The following ITGA8 variants were observed in gnomAD, a reference collection of about 807,000 sequenced individuals.
ITGA8 encodes integrin subunit alpha 8.
ITGA8 carries 91 observed loss-of-function variants against 142.3 expected under a neutral mutation model. The ratio of observed to expected loss-of-function variants is 0.64; its 90% CI spans 0.54 to 0.76. The LOEUF (loss-of-function observed/expected upper bound fraction) is 0.76, where lower values mean the gene tolerates loss of function less well. ITGA8 is among the 30% of genes least tolerant of loss of function. ITGA8 has a pLI of 0.00. For missense variants in ITGA8, 1,406 were observed against 1,327.7 expected (o/e 1.06, Z -0.92); for synonymous variants, 505 against 485.2 (o/e 1.04, Z -0.54).
intron 14 of ITGA8, among the ~76,000 whole-genome samples, chr10:15,616,024 A>G (rs1320647489): frequency 1.3e-5 from 2 of 152,214 alleles, no homozygotes; most frequent in Non-Finnish European, 2.9e-5. Context: ...CAGTGTATGG[A>G]ATGTCCAGGC....
intron 7 of ITGA8, among the ~76,000 whole-genome samples, chr10:15,672,402 C>T (rs999579048): frequency 1.3e-4 from 20 of 152,302 alleles, no homozygotes; most frequent in African/African-American, 4.6e-4. Context: ...GTGCAAAAAA[C>T]TGCTATGGAG....
intron 13 of ITGA8, among the ~76,000 whole-genome samples, chr10:15,633,206 T>G (rs187352551): frequency 3.5e-4 from 53 of 152,256 alleles, no homozygotes; most frequent in Non-Finnish European, 7.2e-4. Flanking sequence ...CCATGTATGC[T>G]TCCATCATTT....
intron 23 of ITGA8, among the ~76,000 whole-genome samples, chr10:15,582,592 C>T (rs984045939): frequency 2.0e-5 from 3 of 152,150 alleles, no homozygotes; most frequent in Admixed American, 6.5e-5. Flanking sequence ...AATAAGGAGA[C>T]AGAAAACCCA....
intron 13 of ITGA8, among the ~76,000 whole-genome samples, chr10:15,635,381 T>C (rs1378989884): frequency 6.6e-6 from 1 of 152,192 alleles, no homozygotes; most frequent in East Asian, 1.9e-4. Flanking sequence ...GCAGGAAATC[T>C]AGATCTGGGA....
intron 20 of ITGA8, among the ~76,000 whole-genome samples, chr10:15,602,473 C>T (rs944373005): frequency 2.6e-4 from 40 of 152,018 alleles, no homozygotes; most frequent in Non-Finnish European, 5.1e-4. Context: ...AAGGATGGCT[C>T]GTGCCTATAA....
intron 28 of ITGA8, among the ~76,000 whole-genome samples, chr10:15,524,802 A>G (rs1214325949): frequency 2.6e-5 from 4 of 152,218 alleles, no homozygotes; most frequent in African/African-American, 9.6e-5. Context: ...TGGGCAGGAA[A>G]GAAAATATTG....
chr10:15,644,620 T>C (rs1389520615), intron 12 of ITGA8, among the ~76,000 whole-genome samples: 1 of 150,004 alleles, frequency 6.7e-6, no homozygotes, highest in African/African-American at 2.4e-5. Flanking sequence ...TGAGCCACTG[T>C]GCTTGGCCAT....
At chr10:15,711,764 T>A (rs1022404960) in intron 2 of ITGA8, among the ~76,000 whole-genome samples, 15 of 152,116 alleles carry the variant, frequency 9.9e-5, no homozygotes, top group Non-Finnish European at 2.2e-4. Context: ...ATACCTTAAT[T>A]TTACCCCCCA....
chr10:15,557,382 A>G (rs1162462129), intron 26 of ITGA8, among the ~76,000 whole-genome samples: 1 of 152,174 alleles, frequency 6.6e-6, no homozygotes, highest in Non-Finnish European at 1.5e-5. Context: ...TCTGTCTCCG[A>G]ACAAACAAAA....
chr10:15,637,135 ACT>A (rs926468829), intron 13 of ITGA8, among the ~76,000 whole-genome samples: 4 of 152,108 alleles, frequency 2.6e-5, no homozygotes, highest in African/African-American at 9.7e-5. Context: ...ATAGAGTGAG[ACT>A]CTGTCTCTAA....
chr10:15,611,231 A>G (rs1588673994), intron 15 of ITGA8, among the ~76,000 whole-genome samples: 1 of 152,336 alleles, frequency 6.6e-6, no homozygotes, highest in Non-Finnish European at 1.5e-5. Context: ...AACACATTCT[A>G]GACTGAACCA....
rs77037561 is a variant in ITGA8 at position 15,548,532 on chromosome 10, C to T, written c.2803G>A (p.Ala935Thr). Reference protein sequence around the residue: ...TNIECLQISCAVGRLEGGESA... With the variant: ...TNIECLQISCTVGRLEGGESA... Reference sequence around the variant, plus strand: ...TCTCCTCCTTCGAGTCGTCCCACTGCACAGGAGATTTGTAAACACTCGATA... The same window carrying T: ...TCTCCTCCTTCGAGTCGTCCCACTGTACAGGAGATTTGTAAACACTCGATA... Residue 935 changes from alanine to threonine, a missense_variant, in exon 27 of 30, where the codon GCA becomes ACA. Physicochemically the swap from Ala to Thr is moderately conservative, Grantham distance 58. Coordinates refer to ENST00000378076, the MANE Select transcript of ITGA8 (RefSeq NM_003638.3). The T allele has an allele frequency of 1.3e-3, 2,089 of 1,609,184 alleles. 25 individuals carry two copies. The African/African-American group carries it at 0.023, about 18-fold the overall frequency.
intron 23 of ITGA8, among the ~76,000 whole-genome samples, chr10:15,576,252 G>A (rs1834295478): frequency 6.6e-6 from 1 of 152,210 alleles, no homozygotes; most frequent in East Asian, 1.9e-4. Flanking sequence ...TCAAGTGTGA[G>A]AGAGAGACAG....
intron 28 of ITGA8, among the ~76,000 whole-genome samples, chr10:15,523,789 G>A (rs867987834): frequency 6.7e-6 from 1 of 150,164 alleles, no homozygotes; most frequent in Non-Finnish European, 1.5e-5. Flanking sequence ...AGACAGTTGT[G>A]GTGGTGGTGG....
Position 15,517,024 on chromosome 10 carries a change from A to C in ITGA8, c.*134T>G. Reference sequence around the variant, plus strand: ...TCCAAAGTGCGGTGTAGATGAGGTGATGTTTCCAGGGTCCCCTCCATTTCC... The same window carrying C: ...TCCAAAGTGCGGTGTAGATGAGGTGCTGTTTCCAGGGTCCCCTCCATTTCC... On this transcript the variant is annotated 3_prime_UTR_variant, in exon 30 of 30. Transcript: ENST00000378076. 2 of 419,642 alleles carry C rather than the reference A, an allele frequency of 4.8e-6. No individual in the cohort carries two copies. The highest frequency in any genetic ancestry group is 8.0e-6 in the Non-Finnish European group (2 of 248,810). The allele number at this position is 419,642 out of a possible 1,614,324, so 26.0% of individuals were successfully genotyped here.
At chr10:15,527,947 GCT>G (rs1833212154) in intron 28 of ITGA8, among the ~76,000 whole-genome samples, 1 of 92,872 alleles carries the variant, frequency 1.1e-5, no homozygotes, top group Admixed American at 1.7e-4. Flanking sequence ...ACAGGTTCTT[GCT>G]CTGTTGCCCA....
chr10:15,543,444 C>A lies in ITGA8; in HGVS notation c.2880+5011G>T, dbSNP rs181228610. Among the ~76,000 whole-genome samples, 97 of 152,326 alleles carry A rather than the reference C, an allele frequency of 6.4e-4. 2 individuals carry two copies. The highest frequency in any genetic ancestry group is 4.6e-3 in the Admixed American group (71 of 15,304). On this transcript the variant is annotated intron_variant, in intron 27 of 29. Transcript: ENST00000378076. ...CCAAACTGCAAGAGCATCTGCACTGCATCTCCAGCCCCACTCAAGCCTTCA... is the reference window on the plus strand; with the variant it reads ...CCAAACTGCAAGAGCATCTGCACTGAATCTCCAGCCCCACTCAAGCCTTCA...
At chr10:15,621,377 T>C (rs148886000) in intron 13 of ITGA8, among the ~76,000 whole-genome samples, 1 of 152,048 alleles carries the variant, frequency 6.6e-6, no homozygotes, top group Admixed American at 6.5e-5. Flanking sequence ...CAGGATCAGT[T>C]GGCAAGAAAA....
chr10:15,529,199 A>T (rs1382625270), intron 28 of ITGA8, among the ~76,000 whole-genome samples: 1 of 152,138 alleles, frequency 6.6e-6, no homozygotes, highest in Non-Finnish European at 1.5e-5. Flanking sequence ...ATCCTCCCAC[A>T]ACTGTGCAAA....
Sources: gnomAD v4.1 joint callset for allele counts (sites outside exome capture counted in the v4.1 genomes callset) on GRCh38, gnomAD v4.1.1 for gene constraint, MANE v1.5 for transcripts, NCBI Gene and HGNC (gene_info 2026-07-23, HGNC 2026-07-21) for gene names.